IMMP2L: variants seen among roughly 807,000 people sequenced by gnomAD.
The protein encoded by IMMP2L is mitochondrial inner membrane protease subunit 2.
A neutral mutation model predicts 19.3 loss-of-function variants in IMMP2L; 18 were observed. That is an observed-to-expected ratio of 0.93 (90% CI 0.64 to 1.38). The LOEUF (loss-of-function observed/expected upper bound fraction) is 1.38. Among genes scored for constraint, IMMP2L ranks in the 40% most tolerant of loss-of-function variants. IMMP2L has a pLI of 0.00. For synonymous variants in IMMP2L, 76 were observed against 73.0 expected, an observed-to-expected ratio of 1.04 and a Z score of -0.21; for missense variants, 233 against 218.2, an observed-to-expected ratio of 1.07 and a Z score of -0.43.
At chr7:110,791,445 G>A (rs1667464041) in intron 5 of IMMP2L, among the ~76,000 whole-genome samples, 1 of 151,610 alleles carries the variant, frequency 6.6e-6, no homozygotes, top group South Asian at 2.1e-4. Context: ...GGGCAGAAAT[G>A]AGAACTATTA....
At chr7:110,971,828 G>A (rs1445680753) in intron 3 of IMMP2L, among the ~76,000 whole-genome samples, 1 of 151,794 alleles carries the variant, frequency 6.6e-6, no homozygotes, top group Non-Finnish European at 1.5e-5. Flanking sequence ...AGTGACAATC[G>A]AGATATGCAT....
At chr7:111,544,351 A>G (rs932722495) in intron 1 of IMMP2L, among the ~76,000 whole-genome samples, 4 of 152,146 alleles carry the variant, frequency 2.6e-5, no homozygotes, top group African/African-American at 9.7e-5. Flanking sequence ...CACATGTAAC[A>G]AACCTGCACA....
intron 3 of IMMP2L, among the ~76,000 whole-genome samples, chr7:111,357,597 G>C (rs1249071389): frequency 2.0e-5 from 3 of 152,052 alleles, no homozygotes; most frequent in Non-Finnish European, 4.4e-5. Flanking sequence ...TGTTTTGTCT[G>C]AATGTTGCAC....
rs768097877 is a variant in IMMP2L at position 110,662,807 on chromosome 7, C to G, written c.*795G>C. On this transcript the variant is annotated 3_prime_UTR_variant, in exon 6 of 6. Coordinates refer to ENST00000405709, the MANE Select transcript of IMMP2L (RefSeq NM_032549.4). ...ATCTGGACTGTTTTTTCTTCTATTT[C>G]ACTCAGAACTTTTAAACACATAGTA... 6.6e-6 allele frequency among the ~76,000 whole-genome samples: 1 copy of G among 152,110 alleles called. No homozygotes were observed. Among genetic ancestry groups the G allele is most frequent in the Non-Finnish European group, 1.5e-5 (1 of 68,006 alleles).
intron 3 of IMMP2L, among the ~76,000 whole-genome samples, chr7:111,045,335 C>T (rs1381848548): frequency 6.6e-6 from 1 of 152,160 alleles, no homozygotes; most frequent in Non-Finnish European, 1.5e-5. Flanking sequence ...TTTCTAATGA[C>T]ACAACCCTAG....
At position 111,093,126 on chromosome 7, in the gene IMMP2L, C is replaced by T. The variant is rs566524538; in HGVS notation, c.240-129561G>A. On this transcript the variant is annotated intron_variant, in intron 3 of 5. Transcript: ENST00000405709. ...ACCTTTGTAAATGATGACAATAAAG[C>T]AGCTCTGACAATATGCCAGTGGCTT... Among the ~76,000 whole-genome samples the T allele has an allele frequency of 8.5e-5, 13 of 152,254 alleles. No individual in the cohort carries two copies. In the South Asian group the frequency reaches 2.7e-3, roughly 32 times the overall value.
At chr7:110,741,888 G>A (rs1271224608) in intron 5 of IMMP2L, among the ~76,000 whole-genome samples, 3 of 152,124 alleles carry the variant, frequency 2.0e-5, no homozygotes, top group Non-Finnish European at 4.4e-5. Context: ...TGCTGCTCTA[G>A]GAGGCAATAA....
chr7:110,978,515 TA>T (rs1006098107), intron 3 of IMMP2L, among the ~76,000 whole-genome samples: 1 of 151,198 alleles, frequency 6.6e-6, no homozygotes, highest in Admixed American at 6.6e-5. Flanking sequence ...TGGTTTCACT[TA>T]AAAAAAAATC....
chr7:111,458,753 T>A (rs1839891707), intron 3 of IMMP2L, among the ~76,000 whole-genome samples: 1 of 152,180 alleles, frequency 6.6e-6, no homozygotes, highest in Admixed American at 6.5e-5. Context: ...CAAGATCAAC[T>A]AACATTTCCA....
At chr7:110,809,361 C>T (rs1374359983) in intron 5 of IMMP2L, among the ~76,000 whole-genome samples, 2 of 151,938 alleles carry the variant, frequency 1.3e-5, no homozygotes, top group African/African-American at 2.4e-5. Context: ...AACATATATA[C>T]ATTATTTTAT....
chr7:111,345,538 C>T (rs1827453249), intron 3 of IMMP2L, among the ~76,000 whole-genome samples: 1 of 152,142 alleles, frequency 6.6e-6, no homozygotes, highest in Non-Finnish European at 1.5e-5. Flanking sequence ...AGGACTGCAA[C>T]ATATTACAGG....
At chr7:111,438,963 T>C (rs1837454897) in intron 3 of IMMP2L, among the ~76,000 whole-genome samples, 1 of 151,864 alleles carries the variant, frequency 6.6e-6, no homozygotes, top group Admixed American at 6.5e-5. Context: ...TAGGAAACAC[T>C]TCTTGCCTCA....
At chr7:111,345,482 C>A (rs985284951) in intron 3 of IMMP2L, among the ~76,000 whole-genome samples, 8 of 152,194 alleles carry the variant, frequency 5.3e-5, no homozygotes, top group African/African-American at 1.9e-4. Context: ...TAAAAGACAG[C>A]ATGCAAATAC....
At chr7:111,186,062 A>C (rs1021022793) in intron 3 of IMMP2L, among the ~76,000 whole-genome samples, 6 of 152,172 alleles carry the variant, frequency 3.9e-5, no homozygotes, top group African/African-American at 1.2e-4. Context: ...TAACATCACA[A>C]ATTTTAAAGT....
chr7:111,398,077 A>G (rs1833050643), intron 3 of IMMP2L, among the ~76,000 whole-genome samples: 1 of 152,104 alleles, frequency 6.6e-6, no homozygotes, highest in Admixed American at 6.6e-5. Context: ...TTTTCAGACA[A>G]AAGTATTTTA....
Position 111,534,372 on chromosome 7 carries a change from G to C in IMMP2L, c.-2-12923C>G, listed in dbSNP as rs190951478. Among the ~76,000 whole-genome samples the C allele has an allele frequency of 2.0e-5, 3 of 152,044 alleles. No individual in the cohort carries two copies. In the East Asian group the frequency reaches 5.8e-4, roughly 29 times the overall value. On this transcript the variant is annotated intron_variant, in intron 1 of 5. Transcript: ENST00000405709. ...TTGCTTGAGATTCTCCTCCAAAAAA[G>C]TTGGAAAATTGCATTTTTAATATGA...
At chr7:111,014,611 A>C (rs1276470227) in intron 3 of IMMP2L, among the ~76,000 whole-genome samples, 1 of 152,154 alleles carries the variant, frequency 6.6e-6, no homozygotes, top group African/African-American at 2.4e-5. Context: ...ACTTTTGTGC[A>C]TCAAAGGACA....
At chr7:110,771,873 T>C (rs894933351) in intron 5 of IMMP2L, among the ~76,000 whole-genome samples, 2 of 152,176 alleles carry the variant, frequency 1.3e-5, no homozygotes, top group African/African-American at 4.8e-5. Flanking sequence ...ATAAAGGTTA[T>C]ACAACCTTGA....
At position 110,915,682 on chromosome 7, in the gene IMMP2L, T is replaced by C. The variant is rs1585251026; in HGVS notation, c.306-28987A>G. ...TGACATATGTGTTAATTAATTTGAC[T>C]GTGGCAATCAATATACAACATGTAT... On this transcript the variant is annotated intron_variant, in intron 4 of 5. Coordinates refer to ENST00000405709, the MANE Select transcript of IMMP2L (RefSeq NM_032549.4). Among the ~76,000 whole-genome samples the C allele has an allele frequency of 2.0e-5, 3 of 152,186 alleles. 1 individual carries two copies. In the East Asian group the frequency reaches 5.8e-4, roughly 29 times the overall value.
Sources: gnomAD v4.1 joint callset for allele counts (sites outside exome capture counted in the v4.1 genomes callset) on GRCh38, gnomAD v4.1.1 for gene constraint, MANE v1.5 for transcripts, NCBI Gene and HGNC (gene_info 2026-07-23, HGNC 2026-07-21) for gene names.